EXT1: variants seen among roughly 807,000 people sequenced by gnomAD.
EXT1 encodes the protein exostosin glycosyltransferase 1, also known as exostosin-1.
EXT1 carries 20 observed loss-of-function variants against 82.5 expected under a neutral mutation model. The ratio of observed to expected loss-of-function variants is 0.24; its 90% CI spans 0.17 to 0.35. The LOEUF is 0.35. Ranked by LOEUF, EXT1 falls within the 10% of genes least tolerant of loss-of-function variation. The probability of loss-of-function intolerance (pLI) is 1.00; values close to 1 mark genes in which losing one functional copy is unlikely to be tolerated. For synonymous variants in EXT1, 348 were observed against 350.8 expected, an observed-to-expected ratio of 0.99 and a Z score of 0.09; for missense variants, 757 against 936.5, an observed-to-expected ratio of 0.81 and a Z score of 2.50.
chr8:117,811,987 C>T (rs138392326), intron 8 of EXT1, among the ~76,000 whole-genome samples: 38 of 152,122 alleles, frequency 2.5e-4, no homozygotes, highest in Non-Finnish European at 4.9e-4. Context: ...GGGCAGCAGG[C>T]CATTAGAACT....
chr8:118,098,634 C>T (rs867056525), intron 1 of EXT1, among the ~76,000 whole-genome samples: 4 of 151,966 alleles, frequency 2.6e-5, no homozygotes, highest in South Asian at 2.1e-4. Flanking sequence ...TGGCGGGTGC[C>T]TGTAGTCCCA....
intron 1 of EXT1, among the ~76,000 whole-genome samples, chr8:118,097,440 CCTT>C (rs1817641426): frequency 6.6e-6 from 1 of 152,064 alleles, no homozygotes; most frequent in African/African-American, 2.4e-5. Flanking sequence ...GAGCAAGACT[CCTT>C]CTCAAAAAAA....
intron 1 of EXT1, among the ~76,000 whole-genome samples, chr8:117,976,669 T>C (rs981610791): frequency 6.6e-6 from 1 of 152,260 alleles, no homozygotes; most frequent in Admixed American, 6.5e-5. Context: ...GGTATAGACA[T>C]ACACAAAAAT....
At chr8:117,906,989 G>C (rs1469067071) in intron 1 of EXT1, among the ~76,000 whole-genome samples, 1 of 152,106 alleles carries the variant, frequency 6.6e-6, no homozygotes, top group Non-Finnish European at 1.5e-5. Flanking sequence ...GTTTGCTGTA[G>C]CATATCTCCC....
At chr8:117,811,660 A>G (rs1400481780) in intron 8 of EXT1, among the ~76,000 whole-genome samples, 1 of 148,722 alleles carries the variant, frequency 6.7e-6, no homozygotes, top group Middle Eastern at 3.2e-3. Flanking sequence ...TCTGTCACCC[A>G]GGCTGGAGTG....
chr8:117,848,537 G>A (rs972585131), intron 1 of EXT1, among the ~76,000 whole-genome samples: 1 of 152,116 alleles, frequency 6.6e-6, no homozygotes, highest in African/African-American at 2.4e-5. Context: ...AGGAGAGGTG[G>A]ACCAGATGGC....
rs144282710 is a variant in EXT1 at position 118,111,370 on chromosome 8, G to C, written c.-324C>G. The C allele has an allele frequency of 9.0e-4, 508 of 563,320 alleles. 2 individuals are homozygous for C. The highest frequency in any genetic ancestry group is 8.4e-3 in the African/African-American group (446 of 53,254). The allele number at this position is 563,320 out of a possible 1,614,324, so 34.9% of individuals were successfully genotyped here. On this transcript the variant is annotated 5_prime_UTR_variant, in exon 1 of 11. Coordinates refer to ENST00000378204, the MANE Select transcript of EXT1 (RefSeq NM_000127.3). The stretch of plus-strand genomic sequence containing the variant: ...AACAAGACGGAGGAAAAGAAAGAGA[G>C]AGGGGAGAAAAAAAAAGCTCCCGAT...
intron 1 of EXT1, among the ~76,000 whole-genome samples, chr8:118,085,630 T>C (rs549452430): frequency 4.5e-4 from 68 of 152,062 alleles, no homozygotes; most frequent in South Asian, 1.7e-3. Flanking sequence ...TACTGCAAAC[T>C]TTAAGGGAAT....
At chr8:117,855,973 T>C (rs1812549792) in intron 1 of EXT1, among the ~76,000 whole-genome samples, 1 of 152,104 alleles carries the variant, frequency 6.6e-6, no homozygotes, top group South Asian at 2.1e-4. Context: ...CCCGGCCGCA[T>C]CTCTCTTTAA....
chr8:117,803,902 C>T (rs968711114), intron 10 of EXT1, among the ~76,000 whole-genome samples: 2 of 152,150 alleles, frequency 1.3e-5, no homozygotes, highest in Non-Finnish European at 2.9e-5. Flanking sequence ...AGGTTACTGA[C>T]TTGCCTGTAT....
chr8:118,091,910 A>G (rs1350577008), intron 1 of EXT1, among the ~76,000 whole-genome samples: 2 of 152,208 alleles, frequency 1.3e-5, no homozygotes, highest in Non-Finnish European at 2.9e-5. Flanking sequence ...AAAGGCCACC[A>G]TGACCAAAAG....
intron 1 of EXT1, among the ~76,000 whole-genome samples, chr8:118,052,315 T>A (rs1816730281): frequency 6.6e-6 from 1 of 152,246 alleles, no homozygotes; most frequent in African/African-American, 2.4e-5. Flanking sequence ...ATTTTTAAAA[T>A]CTTTGTACTC....
chr8:117,993,376 G>C (rs1413805161), intron 1 of EXT1, among the ~76,000 whole-genome samples: 1 of 152,218 alleles, frequency 6.6e-6, no homozygotes, highest in Non-Finnish European at 1.5e-5. Context: ...GGCCCGGCAG[G>C]ATACAGCCAG....
At chr8:117,859,582 T>C (rs1812644928) in intron 1 of EXT1, among the ~76,000 whole-genome samples, 2 of 152,182 alleles carry the variant, frequency 1.3e-5, no homozygotes, top group Non-Finnish European at 2.9e-5. Flanking sequence ...ATATATTGCT[T>C]CTGGGTTTTT....
chr8:118,025,483 GAA>G (rs1203442119), intron 1 of EXT1, among the ~76,000 whole-genome samples: 2 of 152,190 alleles, frequency 1.3e-5, no homozygotes, highest in Admixed American at 1.3e-4. Flanking sequence ...GATATACCTT[GAA>G]AGACAGCTGA....
At chr8:117,948,254 G>C (rs184778946) in intron 1 of EXT1, among the ~76,000 whole-genome samples, 1 of 148,592 alleles carries the variant, frequency 6.7e-6, no homozygotes, top group African/African-American at 2.5e-5. Context: ...CACCAAGTTT[G>C]GTTGGAAGTA....
intron 1 of EXT1, among the ~76,000 whole-genome samples, chr8:118,091,051 T>C (rs1323249744): frequency 6.6e-6 from 1 of 152,066 alleles, no homozygotes; most frequent in African/African-American, 2.4e-5. Flanking sequence ...GGAGGGGACA[T>C]CTTCTATTAG....
At chr8:117,982,382 C>T (rs1483818898) in intron 1 of EXT1, among the ~76,000 whole-genome samples, 1 of 152,208 alleles carries the variant, frequency 6.6e-6, no homozygotes, top group Non-Finnish European at 1.5e-5. Flanking sequence ...TGGACTGACT[C>T]TTTAGCTGGA....
At chr8:118,025,203 G>T (rs780516329) in intron 1 of EXT1, among the ~76,000 whole-genome samples, 7 of 152,098 alleles carry the variant, frequency 4.6e-5, no homozygotes, top group Non-Finnish European at 1.0e-4. Flanking sequence ...ACAGGACTAA[G>T]GTAGGTAAAG....
Sources: allele counts gnomAD v4.1 joint callset (sites outside exome capture counted in the v4.1 genomes callset), GRCh38; gene constraint gnomAD v4.1.1; transcripts MANE v1.5; gene names NCBI Gene and HGNC (gene_info 2026-07-23, HGNC 2026-07-21).